The following RYR1 variants were observed in gnomAD, a reference collection of about 807,000 sequenced individuals.
RYR1 encodes central core disease of muscle.
RYR1 carries 342 observed loss-of-function variants against 583.5 expected under a neutral mutation model. The observed-to-expected ratio is 0.59, with a 90% confidence interval of 0.54 to 0.64. The LOEUF is 0.64. Ranked by LOEUF, RYR1 falls within the 30% of genes least tolerant of loss-of-function variation. The probability of loss-of-function intolerance (pLI) is 0.00; values close to 1 mark genes in which losing one functional copy is unlikely to be tolerated. For synonymous variants in RYR1, 2,791 were observed against 2,822.5 expected (o/e 0.99, Z 0.35); for missense variants, 6,032 against 6,917.2 (o/e 0.87, Z 4.54).
chr19:38,577,793 CA>C (rs111471835), intron 97 of RYR1, 124 bp from the exon 98 acceptor site: 35,753 of 942,702 alleles, frequency 0.038, 1 homozygote, highest in Middle Eastern at 0.046. Context: ...GAGACTGTCT[CA>C]AAAAAAAAAA....
At chr19:38,468,021 CAATT>C (rs1968201919) in intron 25 of RYR1, 1 of 595,396 alleles carries the variant, frequency 1.7e-6, no homozygotes, top group Non-Finnish European at 3.0e-6. Context: ...ATCCAACCAA[CAATT>C]CATCCATCCA....
At position 38,565,964 on chromosome 19, in the gene RYR1, CAG is replaced by C. The variant is rs889809992; in HGVS notation, c.13437+196_13437+197del. On this transcript the variant is annotated intron_variant, in intron 91 of 105. Coordinates refer to ENST00000359596, the MANE Select transcript of RYR1 (RefSeq NM_000540.3). This position sits in a 1 kb window ranked among gnomAD's most constrained non-coding sequence, Gnocchi z 4.7. ...GCCGGGCAAGAGAGACGCTCAGAGA[CAG>C]AGGGATACTCAGACCCACAGAGAAA... Among the ~76,000 whole-genome samples the C allele has an allele frequency of 6.6e-6, 1 of 151,794 alleles. No homozygotes were observed. Among genetic ancestry groups the C allele is most frequent in the African/African-American group, 2.4e-5 (1 of 41,292 alleles).
At chr19:38,451,475 T>C (rs374568740) in intron 11 of RYR1, among the ~76,000 whole-genome samples, 18 of 150,092 alleles carry the variant, frequency 1.2e-4, no homozygotes, top group African/African-American at 3.7e-4. Context: ...AGGAAGGAGA[T>C]AGGGATAGAG....
At chr19:38,489,948 C>T (rs969195791) in intron 35 of RYR1, 128 bp from the exon 36 acceptor site, 2 of 957,828 alleles carry the variant, frequency 2.1e-6, no homozygotes, top group Non-Finnish European at 3.3e-6. Context: ...CTTAAGGTTC[C>T]AGGCGGGAAA....
intron 75 of RYR1, 59 bp downstream of exon 75, chr19:38,528,754 C>T: frequency 1.3e-6 from 2 of 1,563,172 alleles, no homozygotes; most frequent in Non-Finnish European, 1.8e-6. Context: ...GGGGCGGAGG[C>T]CACCCTTGGC....
At position 38,584,860 on chromosome 19, in the gene RYR1, T is replaced by C. The variant is rs568644254; in HGVS notation, c.14647-83T>C. 4 of 1,552,232 alleles carry C rather than the reference T, an allele frequency of 2.6e-6. No individual in the cohort carries two copies. The South Asian group carries it at 3.4e-5, about 13-fold the overall frequency. Reference sequence around the variant, plus strand: ...GGGCTGTCTCAGTCGTTACCATGTCTTCAGCCCTGCCTATCCCGGGGCCTT... The same window carrying C: ...GGGCTGTCTCAGTCGTTACCATGTCCTCAGCCCTGCCTATCCCGGGGCCTT... On this transcript the variant is annotated intron_variant, in intron 101 of 105. Transcript: ENST00000359596.
At position 38,519,266 on chromosome 19, in the gene RYR1, C is replaced by T. The variant is rs772837479; in HGVS notation, c.10071C>T (p.His3357=). 13 of 1,614,046 alleles carry T rather than the reference C, an allele frequency of 8.1e-6. 1 individual carries two copies. Among genetic ancestry groups the T allele is most frequent in the South Asian group, 4.4e-5 (4 of 91,086 alleles). ...CACGGCCGGAGCTCCTGCAGTCCCA[C>T]TTCATCCCAACTATCGGGCGGCTGC... The part of the protein sequence containing the change: ...SRARPELLQS[H]FIPTIGRLRK... The change falls in exon 67 of 106, where the codon CAC becomes CAT. Residue 3357 remains histidine (H), a synonymous_variant. Transcript: ENST00000359596.
Position 38,577,438 on chromosome 19 carries a change from T to C in RYR1, c.14173-480T>C, listed in dbSNP as rs530007621. Among the ~76,000 whole-genome samples the C allele has an allele frequency of 2.7e-3, 418 of 152,248 alleles. 4 individuals are homozygous for C. Among genetic ancestry groups the C allele is most frequent in the African/African-American group, 9.7e-3 (405 of 41,558 alleles). On this transcript the variant is annotated intron_variant, in intron 97 of 105. Coordinates refer to ENST00000359596, the MANE Select transcript of RYR1 (RefSeq NM_000540.3). ...GTTAAACAAAACAGTGATTCTGACC[T>C]TCAAGTTGGAAAGATAGATGATGAA...
intron 8 of RYR1, 45 bp from the exon 9 acceptor site, chr19:38,446,649 T>A: frequency 6.2e-7 from 1 of 1,605,830 alleles, no homozygotes; most frequent in Non-Finnish European, 8.5e-7. Context: ...GGGACCAGAT[T>A]CCGGGGAGCT....
intron 89 of RYR1, among the ~76,000 whole-genome samples, chr19:38,558,694 G>A (rs751431981): frequency 9.2e-5 from 14 of 152,018 alleles, no homozygotes; most frequent in South Asian, 2.1e-4. Context: ...CAGGAGAATC[G>A]CTTGAACCCT....
intron 67 of RYR1, among the ~76,000 whole-genome samples, chr19:38,522,653 A>T (rs1324572692): frequency 6.6e-6 from 1 of 151,936 alleles, no homozygotes; most frequent in Non-Finnish European, 1.5e-5. Flanking sequence ...GATCGTTAAA[A>T]AATTTTAAAT....
chr19:38,572,325 G>A (rs1973757442), intron 95 of RYR1, 55 bp downstream of exon 95: 2 of 1,471,170 alleles, frequency 1.4e-6, no homozygotes, highest in Non-Finnish European at 1.9e-6. Flanking sequence ...GTGGGGGTGG[G>A]GGCAGTGCTG....
Position 38,473,630 on chromosome 19 carries a change from G to T in RYR1, c.4019G>T (p.Gly1340Val), listed in dbSNP as rs1224659090. The T allele has an allele frequency of 3.8e-6, 6 of 1,562,790 alleles. No homozygotes were observed. The highest frequency in any genetic ancestry group is 1.9e-5 in the Admixed American group (1 of 51,534). Residue 1340 changes from glycine to valine, a missense_variant, in exon 28 of 106, where the codon GGC becomes GTC. Coordinates refer to ENST00000359596, the MANE Select transcript of RYR1 (RefSeq NM_000540.3). ...DYENLRRSAG[G>V]WSEAENGKEG... ...GAAAACCTGCGCCGCTCAGCTGGGG[G>T]CTGGAGCGAGGCAGAGAACGGCAAA...
Position 38,532,855 on chromosome 19 carries a change from C to T in RYR1, c.11259+119C>T, listed in dbSNP as rs1015923919. On this transcript the variant is annotated intron_variant, in intron 78 of 105. Transcript: ENST00000359596. ...TCTGGGGACACAGCAGTGACCAAGTCAGTCCACTGGGGAGACAGATACACC... is the reference window on the plus strand; with the variant it reads ...TCTGGGGACACAGCAGTGACCAAGTTAGTCCACTGGGGAGACAGATACACC... The T allele has an allele frequency of 2.9e-4, 290 of 996,822 alleles. 2 individuals are homozygous for T. The highest frequency in any genetic ancestry group is 6.2e-5 in the Non-Finnish European group (40 of 645,320). The allele number at this position is 996,822 out of a possible 1,614,324, so 61.7% of individuals were successfully genotyped here. A position where few individuals can be genotyped will look rare whatever the true frequency, so the allele number is the denominator to read the frequency against.
intron 34 of RYR1, among the ~76,000 whole-genome samples, chr19:38,488,078 A>G (rs73030961): frequency 0.014 from 2,057 of 152,228 alleles, 29 homozygotes; most frequent in South Asian, 0.041. Flanking sequence ...CAGCCTCCCG[A>G]AGTACTGTGA....
Position 38,565,534 on chromosome 19 carries a change from C to T in RYR1, c.13200C>T (p.Gly4400=). The change falls in exon 91 of 106, where the codon GGC becomes GGT. Residue 4400 remains glycine (G), a synonymous_variant. Transcript: ENST00000359596. This position sits in a 1 kb window ranked among gnomAD's most constrained non-coding sequence, Gnocchi z 4.7. The part of the protein sequence containing the change: ...EVHGEQPAGP[G]GDADGEGASE... ...ACGGCGAGCAGCCGGCCGGGCCGGG[C>T]GGAGACGCAGACGGCGAGGGTGCCA... 1.3e-6 allele frequency: 2 copies of T among 1,502,686 alleles called. No individual in the cohort carries two copies. The highest frequency in any genetic ancestry group is 1.2e-5 in the South Asian group (1 of 80,610). The allele number at this position is 1,502,686 out of a possible 1,614,324, so 93.1% of individuals were successfully genotyped here.
At position 38,492,904 on chromosome 19, in the gene RYR1, C is replaced by T. The variant is rs555665252; in HGVS notation, c.6274+268C>T. ...GCCAACATGGTGAAACCCCCTTCTC[C>T]ACTAAAAATACAAAAATTAGCTGGG... On this transcript the variant is annotated intron_variant, in intron 38 of 105. Transcript: ENST00000359596. Among the ~76,000 whole-genome samples the T allele has an allele frequency of 7.9e-5, 12 of 152,110 alleles. No individual in the cohort carries two copies. In the East Asian group the frequency reaches 9.7e-4, roughly 12 times the overall value.
Position 38,561,569 on chromosome 19 carries a change from G to T in RYR1, c.12624+115G>T. On this transcript the variant is annotated intron_variant, in intron 90 of 105. Coordinates refer to ENST00000359596, the MANE Select transcript of RYR1 (RefSeq NM_000540.3). The surrounding 1 kb of genome is among the most constrained non-coding windows in gnomAD (Gnocchi z 4.8). ...TGTGCGTGCCTCGCATATCTGCCCT[G>T]CTCCGGCAAGCCCACGCCCACCCTT... 2 of 1,006,184 alleles carry T rather than the reference G, an allele frequency of 2.0e-6. No individual in the cohort carries two copies. The highest frequency in any genetic ancestry group is 2.9e-6 in the Non-Finnish European group (2 of 689,102). The allele number at this position is 1,006,184 out of a possible 1,614,324, so 62.3% of individuals were successfully genotyped here.
chr19:38,448,894 T>A, intron 11 of RYR1, 81 bp downstream of exon 11: 1 of 1,330,160 alleles, frequency 7.5e-7, no homozygotes, highest in Non-Finnish European at 1.1e-6. Context: ...AGTGAGCTGG[T>A]GATCATGCCA....
Sources: gnomAD v4.1 joint callset for allele counts (sites outside exome capture counted in the v4.1 genomes callset) on GRCh38, gnomAD v4.1.1 for gene constraint, Gnocchi (gnomAD v3.1) non-coding constraint, MANE v1.5 for transcripts, NCBI Gene and HGNC (gene_info 2026-07-23, HGNC 2026-07-21) for gene names.